The following PLCG2 variants were observed in gnomAD, a reference collection of about 807,000 sequenced individuals.
PLCG2 encodes phospholipase C gamma 2, also known as 1-phosphatidylinositol 4,5-bisphosphate phosphodiesterase gamma-2.
A neutral mutation model predicts 175.6 loss-of-function variants in PLCG2; 69 were observed. The observed-to-expected ratio is 0.39, with a 90% CI of 0.32 to 0.48. The LOEUF (loss-of-function observed/expected upper bound fraction) is 0.48. Ranked by LOEUF, PLCG2 falls within the 20% of genes least tolerant of loss-of-function variation. The probability of loss-of-function intolerance (pLI) is 0.91; values close to 1 mark genes in which losing one functional copy is unlikely to be tolerated. For synonymous variants in PLCG2, 827 were observed against 624.0 expected (o/e 1.33, Z -4.85); for missense variants, 1,798 against 1,650.9 (o/e 1.09, Z -1.54).
At chr16:81,944,890 C>T (rs1911090775) in intron 30 of PLCG2, among the ~76,000 whole-genome samples, 1 of 152,132 alleles carries the variant, frequency 6.6e-6, no homozygotes, top group African/African-American at 2.4e-5. Flanking sequence ...AAGTTTCGTA[C>T]AATCTAGGTG....
intron 2 of PLCG2, among the ~76,000 whole-genome samples, chr16:81,846,663 G>A (rs894455516): frequency 6.6e-6 from 1 of 152,138 alleles, no homozygotes; most frequent in African/African-American, 2.4e-5. Context: ...CATGTTCATG[G>A]ATAGGAAGAC....
chr16:81,805,594 G>A (rs114143389), intron 2 of PLCG2, among the ~76,000 whole-genome samples: 2,830 of 150,934 alleles, frequency 0.019, 87 homozygotes, highest in African/African-American at 0.066. Context: ...TAAAAAGTGG[G>A]CGAAAGATCT....
intron 2 of PLCG2, among the ~76,000 whole-genome samples, chr16:81,757,499 G>A (rs1181333264): frequency 2.6e-5 from 4 of 152,064 alleles, no homozygotes; most frequent in African/African-American, 7.2e-5. Context: ...AGGAGACAGA[G>A]GTGCAGAAGA....
chr16:81,789,157 A>G (rs1911113683), intron 2 of PLCG2, among the ~76,000 whole-genome samples: 1 of 152,240 alleles, frequency 6.6e-6, no homozygotes. Flanking sequence ...CAAAAAAGAA[A>G]TTACAGGGTA....
intron 1 of PLCG2, among the ~76,000 whole-genome samples, chr16:81,783,982 A>T (rs1331480705): frequency 3.9e-5 from 6 of 152,020 alleles, no homozygotes. Flanking sequence ...GCCTAGCCAC[A>T]CTCCAGATTA....
chr16:81,910,285 T>G (rs1447840179), intron 17 of PLCG2, among the ~76,000 whole-genome samples: 1 of 152,054 alleles, frequency 6.6e-6, no homozygotes, highest in Non-Finnish European at 1.5e-5. Context: ...GAGACGAGAT[T>G]TCACTGTATT....
intron 1 of PLCG2, among the ~76,000 whole-genome samples, chr16:81,753,475 G>A (rs1909856663): frequency 6.7e-6 from 1 of 150,190 alleles, no homozygotes; most frequent in South Asian, 2.1e-4. Flanking sequence ...CTGGAGTGCA[G>A]TAGTTGTATC....
intron 31 of PLCG2, among the ~76,000 whole-genome samples, chr16:81,952,869 C>T (rs184710210): frequency 2.2e-4 from 33 of 152,262 alleles, no homozygotes; most frequent in East Asian, 7.7e-4. Flanking sequence ...AAGTGTCTTC[C>T]GCCAAGAAAT....
Position 81,767,136 on chromosome 16 carries a change from G to GGT in PLCG2, c.-48+11170_-48+11171insGT, listed in dbSNP as rs1273877041. ...ACCCCATTCAACTGATAAACTCGTG[G>GGT]TTTTTTTTTTTTTTTTTTTTTTTTT... On this transcript the variant is annotated intron_variant, in intron 2 of 5. Transcript: ENST00000565054. 1.1e-4 allele frequency among the ~76,000 whole-genome samples: 8 copies of GGT among 71,726 alleles called. 1 individual carries two copies. The highest frequency in any genetic ancestry group is 4.7e-4 in the African/African-American group (8 of 17,010). The allele number at this position is 71,726 out of a possible 152,430, so 47.1% of individuals were successfully genotyped here.
At chr16:81,911,573 G>A (rs145853182) in intron 18 of PLCG2, among the ~76,000 whole-genome samples, 2 of 150,328 alleles carry the variant, frequency 1.3e-5, no homozygotes, top group Non-Finnish European at 2.9e-5. Flanking sequence ...ATCTGGGACT[G>A]CAGGTGTGTG....
intron 2 of PLCG2, among the ~76,000 whole-genome samples, chr16:81,849,522 G>A (rs1013547019): frequency 2.0e-5 from 3 of 152,148 alleles, no homozygotes; most frequent in African/African-American, 7.2e-5. Context: ...ACTTTGGAAG[G>A]CCGAGACAGG....
At chr16:81,787,680 C>T (rs1471210849) in intron 2 of PLCG2, among the ~76,000 whole-genome samples, 1 of 151,928 alleles carries the variant, frequency 6.6e-6, no homozygotes, top group East Asian at 1.9e-4. Context: ...AAAAGTAGAA[C>T]CTTTATATCA....
intron 5 of PLCG2, among the ~76,000 whole-genome samples, chr16:81,861,799 C>T (rs181993513): frequency 1.3e-5 from 2 of 152,324 alleles, no homozygotes; most frequent in East Asian, 1.9e-4. Flanking sequence ...GCTCTGAAGT[C>T]GGCTCTTCGT....
chr16:81,824,650 A>C (rs963758799), intron 2 of PLCG2, among the ~76,000 whole-genome samples: 2 of 152,182 alleles, frequency 1.3e-5, no homozygotes, highest in African/African-American at 2.4e-5. Flanking sequence ...CAGCGGTTAT[A>C]ATTAAAGGGC....
At chr16:81,816,651 A>ACTTT (rs1555509092) in intron 2 of PLCG2, among the ~76,000 whole-genome samples, 4,368 of 108,798 alleles carry the variant, frequency 0.04, 1,502 homozygotes, top group East Asian at 0.079. Flanking sequence ...GCTAATTTTA[A>ACTTT]TTTTTTTTTT....
intron 2 of PLCG2, among the ~76,000 whole-genome samples, chr16:81,795,385 G>C (rs1911421028): frequency 2.6e-5 from 4 of 152,194 alleles, no homozygotes; most frequent in Non-Finnish European, 5.9e-5. Context: ...TCTGTGGGGA[G>C]AGCATTCTGG....
chr16:81,883,795 A>T (rs1335194418), intron 9 of PLCG2, among the ~76,000 whole-genome samples: 1 of 152,192 alleles, frequency 6.6e-6, no homozygotes, highest in African/African-American at 2.4e-5. Context: ...AGCTTTCCTT[A>T]AACAGGTGAT....
At chr16:81,867,194 A>G (rs1404979587) in intron 5 of PLCG2, among the ~76,000 whole-genome samples, 2 of 152,158 alleles carry the variant, frequency 1.3e-5, no homozygotes, top group Admixed American at 1.3e-4. Flanking sequence ...GTGACGCGCT[A>G]CTTCCTTCCG....
intron 15 of PLCG2, among the ~76,000 whole-genome samples, chr16:81,906,866 C>T (rs138860210): frequency 3.3e-5 from 5 of 152,060 alleles, no homozygotes; most frequent in South Asian, 2.1e-4. Context: ...GGCGAATCCC[C>T]GTCTCTATTA....
Sources: allele counts gnomAD v4.1 joint callset (sites outside exome capture counted in the v4.1 genomes callset), GRCh38; gene constraint gnomAD v4.1.1; transcripts MANE v1.5; gene names NCBI Gene and HGNC (gene_info 2026-07-23, HGNC 2026-07-21).